The following TYW1 variants were observed in gnomAD, a reference collection of about 807,000 sequenced individuals.
The protein encoded by TYW1 is tRNA-yW synthesizing protein 1 homolog, also known as S-adenosyl-L-methionine-dependent tRNA 4-demethylwyosine synthase TYW1.
Under a neutral mutation model 96.2 loss-of-function variants are expected in TYW1, and 46 were observed. That is an observed-to-expected ratio of 0.48 (90% CI 0.38 to 0.61). TYW1 has a LOEUF of 0.61. Ranked by LOEUF, TYW1 falls within the 20% of genes least tolerant of loss-of-function variation. The pLI is 0.00. For synonymous variants in TYW1, 274 were observed against 323.0 expected, an observed-to-expected ratio of 0.85 and a Z score of 1.63; for missense variants, 684 against 909.6, an observed-to-expected ratio of 0.75 and a Z score of 3.19.
chr7:67,100,850 CAAA>C (rs57665696), intron 12 of TYW1, among the ~76,000 whole-genome samples: 6 of 75,606 alleles, frequency 7.9e-5, no homozygotes, highest in Admixed American at 3.2e-4. Context: ...GGCTACAGAG[CAAA>C]AAAAAAAAAA....
At chr7:67,068,095 C>T (rs1795923892) in intron 10 of TYW1, among the ~76,000 whole-genome samples, 1 of 150,574 alleles carries the variant, frequency 6.6e-6, no homozygotes, top group Admixed American at 6.6e-5. Context: ...CATCTTGGCT[C>T]ACTGCAACCT....
At chr7:67,029,005 T>C (rs1794551659) in intron 7 of TYW1, among the ~76,000 whole-genome samples, 1 of 151,826 alleles carries the variant, frequency 6.6e-6, no homozygotes, top group Non-Finnish European at 1.5e-5. Context: ...ATATGGACTT[T>C]TTTTTTTTTT....
At chr7:67,133,953 T>G (rs1798166432) in intron 13 of TYW1, among the ~76,000 whole-genome samples, 1 of 151,952 alleles carries the variant, frequency 6.6e-6, no homozygotes, top group Non-Finnish European at 1.5e-5. Flanking sequence ...CTCCTCATCC[T>G]GTGGAAAATA....
chr7:67,198,509 C>T (rs1438500309), intron 15 of TYW1, among the ~76,000 whole-genome samples: 5 of 150,434 alleles, frequency 3.3e-5, no homozygotes, highest in East Asian at 2.0e-4. Context: ...CGAGCCTGGG[C>T]GACTGCACTC....
rs140453334 is a variant in TYW1 at position 67,154,165 on chromosome 7, A to T, written c.1699-28961A>T. ...TCTTGATCTCCTGACCTCATGATCC[A>T]CCTGCCTTGGCCTGCCAAAGTGCTG... On this transcript the variant is annotated intron_variant, in intron 13 of 15. Transcript: ENST00000359626. Among the ~76,000 whole-genome samples, 42 of 152,084 alleles carry T rather than the reference A, an allele frequency of 2.8e-4. 1 individual carries two copies. The East Asian group carries it at 7.9e-3, about 29-fold the overall frequency.
chr7:67,016,975 T>C (rs903746232), intron 5 of TYW1, among the ~76,000 whole-genome samples: 14 of 145,296 alleles, frequency 9.6e-5, no homozygotes, highest in Admixed American at 2.3e-4. Flanking sequence ...AATTCAGATA[T>C]GTAAATTTTT....
chr7:67,070,767 T>C (rs1796004962), intron 10 of TYW1, among the ~76,000 whole-genome samples: 1 of 152,158 alleles, frequency 6.6e-6, no homozygotes, highest in Non-Finnish European at 1.5e-5. Flanking sequence ...GGGAGAGTTT[T>C]TCCAATACAT....
chr7:67,181,072 C>T (rs185331782), intron 13 of TYW1, among the ~76,000 whole-genome samples: 1 of 151,638 alleles, frequency 6.6e-6, no homozygotes, highest in East Asian at 1.9e-4. Context: ...TTTGCTCATT[C>T]TGTTTTGTTT....
Position 67,239,372 on chromosome 7 carries a change from T to C in TYW1, c.*843T>C, listed in dbSNP as rs1336457820. The stretch of plus-strand genomic sequence containing the variant: ...CTTCTTTCACTCCTGTGGCCCTGGC[T>C]GCTTTACACAATCTGTTCTATAAGG... On this transcript the variant is annotated 3_prime_UTR_variant, in exon 16 of 16. Coordinates refer to ENST00000359626, the MANE Select transcript of TYW1 (RefSeq NM_018264.4). 1 of 985,218 alleles carries C rather than the reference T, an allele frequency of 1.0e-6. No individual in the cohort carries two copies. The allele number at this position is 985,218 out of a possible 1,614,324, so 61.0% of individuals were successfully genotyped here. A position where few individuals can be genotyped will look rare whatever the true frequency, so the allele number is the denominator to read the frequency against.
At chr7:67,124,579 G>T (rs1383862189) in intron 13 of TYW1, among the ~76,000 whole-genome samples, 1 of 152,036 alleles carries the variant, frequency 6.6e-6, no homozygotes, top group Non-Finnish European at 1.5e-5. Flanking sequence ...TGCCAACTTT[G>T]ATCATCGTAG....
intron 6 of TYW1, among the ~76,000 whole-genome samples, chr7:67,022,211 C>T (rs1408460486): frequency 6.6e-6 from 1 of 152,152 alleles, no homozygotes; most frequent in African/African-American, 2.4e-5. Flanking sequence ...CTGCACCCAG[C>T]TTGTTTTTTA....
In TYW1 at chr7:67,239,464, T is replaced by A; in HGVS notation, c.*935T>A. 5.4e-6 allele frequency: 5 copies of A among 925,174 alleles called. No homozygotes were observed. Among genetic ancestry groups the A allele is most frequent in the Non-Finnish European group, 6.5e-6 (5 of 775,188 alleles). The allele number at this position is 925,174 out of a possible 1,614,324, so 57.3% of individuals were successfully genotyped here. On this transcript the variant is annotated 3_prime_UTR_variant, in exon 16 of 16. Coordinates refer to ENST00000359626, the MANE Select transcript of TYW1 (RefSeq NM_018264.4). ...TTGTTTTCAAGTTAGCAAGTTCTTT[T>A]AACAGTCTTTTATGCAAAAATTGAA...
At chr7:67,108,816 T>C (rs910145248) in intron 12 of TYW1, among the ~76,000 whole-genome samples, 3 of 152,108 alleles carry the variant, frequency 2.0e-5, no homozygotes, top group African/African-American at 7.2e-5. Flanking sequence ...CTGAACATTA[T>C]AGACATTTCA....
chr7:67,144,382 A>C (rs1191079831), intron 13 of TYW1, among the ~76,000 whole-genome samples: 1 of 152,248 alleles, frequency 6.6e-6, no homozygotes, highest in Non-Finnish European at 1.5e-5. Flanking sequence ...GATTGTCTGA[A>C]GAGTATATGA....
intron 13 of TYW1, among the ~76,000 whole-genome samples, chr7:67,174,363 A>G (rs1034512766): frequency 2.6e-5 from 4 of 151,668 alleles, no homozygotes; most frequent in African/African-American, 7.3e-5. Flanking sequence ...AAGAGCAACA[A>G]TAGGCCAGTA....
At chr7:67,128,330 C>A (rs999510597) in intron 13 of TYW1, among the ~76,000 whole-genome samples, 1 of 152,084 alleles carries the variant, frequency 6.6e-6, no homozygotes, top group African/African-American at 2.4e-5. Context: ...GTCTCAAGGC[C>A]ATTCTTCATT....
At chr7:67,075,562 T>C (rs565349851) in intron 10 of TYW1, among the ~76,000 whole-genome samples, 22 of 152,350 alleles carry the variant, frequency 1.4e-4, no homozygotes, top group African/African-American at 4.8e-4. Flanking sequence ...TAAGTACTGA[T>C]ACATGCTACA....
At chr7:67,146,076 T>C (rs549608462) in intron 13 of TYW1, among the ~76,000 whole-genome samples, 1 of 152,254 alleles carries the variant, frequency 6.6e-6, no homozygotes, top group African/African-American at 2.4e-5. Flanking sequence ...TTTGTTCTTT[T>C]TTTATTATTT....
chr7:67,073,521 C>T (rs914596328), intron 10 of TYW1, among the ~76,000 whole-genome samples: 8 of 152,080 alleles, frequency 5.3e-5, no homozygotes, highest in African/African-American at 1.4e-4. Flanking sequence ...CCTGTAATCC[C>T]AGCACTTTGG....
Sources: allele counts gnomAD v4.1 joint callset (sites outside exome capture counted in the v4.1 genomes callset), GRCh38; gene constraint gnomAD v4.1.1; transcripts MANE v1.5; gene names NCBI Gene and HGNC (gene_info 2026-07-23, HGNC 2026-07-21).